Variants in STX7 observed in about 807,000 individuals in gnomAD.
The protein encoded by STX7 is syntaxin 7, also known as syntaxin-7.
A neutral mutation model predicts 39.6 loss-of-function variants in STX7; 34 were observed. The ratio of observed to expected loss-of-function variants is 0.86; its 90% confidence interval spans 0.65 to 1.14. STX7 has a LOEUF of 1.14. Among genes scored for constraint, STX7 ranks in the 50% most tolerant of loss-of-function variants. The pLI is 0.00. For synonymous variants in STX7, 119 were observed against 99.1 expected (o/e 1.20, Z -1.19); for missense variants, 284 against 310.4 (o/e 0.92, Z 0.64).
chr6:132,470,437 ACT>A (rs1261606998), intron 6 of STX7, 135 bp downstream of exon 6: 4 of 514,630 alleles, frequency 7.8e-6, no homozygotes, highest in East Asian at 7.4e-5. Flanking sequence ...TTTCAAATTT[ACT>A]CTGTTTTCAA....
chr6:132,460,404 A>T lies in STX7; in HGVS notation c.*354T>A. 6.1e-6 allele frequency: 1 copy of T among 163,990 alleles called. No homozygotes were observed. The allele number at this position is 163,990 out of a possible 1,614,324, so 10.2% of individuals were successfully genotyped here. On this transcript the variant is annotated 3_prime_UTR_variant, in exon 10 of 10. Transcript: ENST00000367941. ...ACACATCTAGGTGTGTCACAGTGAC[A>T]GGGAGATGCAAACAGAATACACACA...
At chr6:132,484,382 T>G (rs1775079848) in intron 2 of STX7, among the ~76,000 whole-genome samples, 1 of 152,082 alleles carries the variant, frequency 6.6e-6, no homozygotes, top group Non-Finnish European at 1.5e-5. Context: ...AGCTTTACAG[T>G]AAAGAATAGT....
chr6:132,447,440 T>C lies in STX7; in HGVS notation c.*13318A>G, dbSNP rs901249375. On this transcript the variant is annotated 3_prime_UTR_variant, in exon 10 of 10. Transcript: ENST00000367941. ...TTAAGAAATATGCACATGCTCTAAA[T>C]TGGGGGAACATGATCCTTTATGTAT... 2 of 152,184 alleles carry C rather than the reference T, an allele frequency of 1.3e-5. No homozygotes were observed. Among genetic ancestry groups the C allele is most frequent in the Non-Finnish European group, 2.9e-5 (2 of 68,014 alleles). The allele number at this position is 152,184 out of a possible 1,614,324, so 9.4% of individuals were successfully genotyped here.
At chr6:132,472,898 C>T (rs1277726405) in intron 3 of STX7, among the ~76,000 whole-genome samples, 1 of 152,186 alleles carries the variant, frequency 6.6e-6, no homozygotes, top group Non-Finnish European at 1.5e-5. Flanking sequence ...TGGCTCACAC[C>T]TGTCATCCCA....
chr6:132,510,496 C>T (rs1775819649), intron 1 of STX7, among the ~76,000 whole-genome samples: 2 of 152,154 alleles, frequency 1.3e-5, no homozygotes, highest in African/African-American at 4.8e-5. Context: ...ACAATTTACA[C>T]CATTTTATAT....
intron 1 of STX7, among the ~76,000 whole-genome samples, chr6:132,505,763 A>AAAAAAC (rs1554252693): frequency 1.5e-5 from 2 of 129,886 alleles, no homozygotes; most frequent in African/African-American, 3.3e-5. Flanking sequence ...AAAAAAAAAA[A>AAAAAAC]ACACAGGTTT....
chr6:132,497,194 T>C (rs1300116570), intron 2 of STX7, among the ~76,000 whole-genome samples: 1 of 151,952 alleles, frequency 6.6e-6, no homozygotes, highest in Non-Finnish European at 1.5e-5. Flanking sequence ...CTACAACCAG[T>C]AGAAAGAATA....
intron 7 of STX7, among the ~76,000 whole-genome samples, chr6:132,469,378 G>C (rs9483455): frequency 0.24 from 36,018 of 152,024 alleles, 4,632 homozygotes; most frequent in East Asian, 0.54. Context: ...CAATACTAAG[G>C]TGGTCCATAG....
intron 7 of STX7, among the ~76,000 whole-genome samples, chr6:132,469,598 G>C (rs1774658675): frequency 6.6e-6 from 1 of 152,016 alleles, no homozygotes; most frequent in Non-Finnish European, 1.5e-5. Flanking sequence ...AGTACTTTAG[G>C]AGGCCAAGGC....
At position 132,445,970 on chromosome 6, in the gene STX7, G is replaced by A. The variant is rs923438519; in HGVS notation, c.*14788C>T. 1 of 152,150 alleles carries A rather than the reference G, an allele frequency of 6.6e-6. No homozygotes were observed. Among genetic ancestry groups the A allele is most frequent in the Non-Finnish European group, 1.5e-5 (1 of 68,024 alleles). The allele number at this position is 152,150 out of a possible 1,614,324, so 9.4% of individuals were successfully genotyped here. A position where few individuals can be genotyped will look rare whatever the true frequency, so the allele number is the denominator to read the frequency against. On this transcript the variant is annotated 3_prime_UTR_variant, in exon 10 of 10. Transcript: ENST00000367941. The stretch of plus-strand genomic sequence containing the variant: ...GGGTTGTTATTACAATCTCTTCAGT[G>A]TTCAAGGTTTCTAAAATTCTCAATT...
intron 2 of STX7, among the ~76,000 whole-genome samples, chr6:132,484,727 C>G (rs1775088423): frequency 6.6e-6 from 1 of 152,120 alleles, no homozygotes; most frequent in South Asian, 2.1e-4. Flanking sequence ...CCACATCACA[C>G]TGAGGAAGAA....
chr6:132,501,081 T>C (rs6569804), intron 2 of STX7, among the ~76,000 whole-genome samples: 30,042 of 149,672 alleles, frequency 0.2, 3,749 homozygotes, highest in African/African-American at 0.36. Flanking sequence ...TTTTTTGAAA[T>C]GGAGTTTTGC....
At chr6:132,488,183 G>C (rs79895558) in intron 2 of STX7, among the ~76,000 whole-genome samples, 2 of 151,914 alleles carry the variant, frequency 1.3e-5, no homozygotes, top group Non-Finnish European at 2.9e-5. Flanking sequence ...AAACATTAGG[G>C]GATTTTCCAG....
At chr6:132,467,942 T>A (rs1038557982) in intron 8 of STX7, among the ~76,000 whole-genome samples, 3 of 152,186 alleles carry the variant, frequency 2.0e-5, no homozygotes, top group Non-Finnish European at 4.4e-5. Flanking sequence ...ACTAAATTCA[T>A]CTACCAAAAA....
At chr6:132,479,586 C>T (rs1391195442) in intron 2 of STX7, among the ~76,000 whole-genome samples, 1 of 152,128 alleles carries the variant, frequency 6.6e-6, no homozygotes, top group Non-Finnish European at 1.5e-5. Flanking sequence ...CAGCCTATCC[C>T]TCACCCCAAC....
At position 132,509,472 on chromosome 6, in the gene STX7, CA is replaced by C. The variant is rs1562343543; in HGVS notation, c.-59+3534del. On this transcript the variant is annotated intron_variant, in intron 1 of 9. Transcript: ENST00000367941. ...CTCAAAATAACATAACATAACATAACATAACATAACATAACATAACATAACA... is the reference window on the plus strand; with the variant it reads ...CTCAAAATAACATAACATAACATAACTAACATAACATAACATAACATAACA... Among the ~76,000 whole-genome samples, 171 of 43,596 alleles carry C rather than the reference CA, an allele frequency of 3.9e-3. 8 individuals carry two copies. Among genetic ancestry groups the C allele is most frequent in the Admixed American group, 0.031 (101 of 3,302 alleles). 28.6% of individuals were successfully genotyped at this position (43,596 alleles called of 152,430 possible). A position where few individuals can be genotyped will look rare whatever the true frequency, so the allele number is the denominator to read the frequency against.
Position 132,484,766 on chromosome 6 carries a change from A to C in STX7, c.86-9104T>G, listed in dbSNP as rs139865376. ...CAATTGAAGGCTGACCAGCAAGTAGAGTTGGAGCCAGACAGCCTGATATCT... is the reference window on the plus strand; with the variant it reads ...CAATTGAAGGCTGACCAGCAAGTAGCGTTGGAGCCAGACAGCCTGATATCT... On this transcript the variant is annotated intron_variant, in intron 2 of 9. Transcript: ENST00000367941. 2.2e-3 allele frequency among the ~76,000 whole-genome samples: 334 copies of C among 152,310 alleles called. 1 individual carries two copies. Among genetic ancestry groups the C allele is most frequent in the African/African-American group, 7.7e-3 (322 of 41,572 alleles).
Position 132,450,136 on chromosome 6 carries a change from C to T in STX7, c.*10622G>A, listed in dbSNP as rs1774108045. On this transcript the variant is annotated 3_prime_UTR_variant, in exon 10 of 10. Transcript: ENST00000367941. ...TTAGCCCACTCTCATTGGTAATAGC[C>T]TTTAGTGATTATCTTTCTTTCTAAT... The T allele has an allele frequency of 6.6e-6, 1 of 152,112 alleles. No individual in the cohort carries two copies. The highest frequency in any genetic ancestry group is 1.9e-4 in the East Asian group (1 of 5,194). The allele number at this position is 152,112 out of a possible 1,614,324, so 9.4% of individuals were successfully genotyped here. A position where few individuals can be genotyped will look rare whatever the true frequency, so the allele number is the denominator to read the frequency against.
chr6:132,462,597 G>GTGTGTA (rs1405944137), intron 9 of STX7, among the ~76,000 whole-genome samples: 7 of 146,762 alleles, frequency 4.8e-5, no homozygotes, highest in African/African-American at 1.7e-4. Context: ...GTGTGTGTGT[G>GTGTGTA]TGTGTGTGTG....
Sources: gnomAD v4.1 joint callset for allele counts (sites outside exome capture counted in the v4.1 genomes callset) on GRCh38, gnomAD v4.1.1 for gene constraint, MANE v1.5 for transcripts, NCBI Gene and HGNC (gene_info 2026-07-23, HGNC 2026-07-21) for gene names.